The following CHL1 variants were observed in gnomAD, a reference collection of about 807,000 sequenced individuals.
CHL1 encodes neural cell adhesion molecule L1-like protein.
Under a neutral mutation model 141.9 loss-of-function variants are expected in CHL1, and 96 were observed. The ratio of observed to expected loss-of-function variants is 0.68; its 90% CI spans 0.57 to 0.80. CHL1 has a LOEUF of 0.80. CHL1 is among the 30% of genes least tolerant of loss of function. The pLI, the probability that CHL1 is intolerant of heterozygous loss-of-function variation, is 0.00. For missense variants in CHL1, 1,820 were observed against 1,457.2 expected (o/e 1.25, Z -4.05); for synonymous variants, 613 against 502.2 (o/e 1.22, Z -2.95).
intron 1 of CHL1, among the ~76,000 whole-genome samples, chr3:207,817 T>G (rs1699569798): frequency 6.6e-6 from 1 of 152,200 alleles, no homozygotes; most frequent in Non-Finnish European, 1.5e-5. Flanking sequence ...GCTCTTCCCA[T>G]GCATACAAGT....
intron 15 of CHL1, among the ~76,000 whole-genome samples, chr3:376,749 G>T (rs959884052): frequency 6.6e-5 from 10 of 152,098 alleles, no homozygotes; most frequent in Non-Finnish European, 1.5e-5. Context: ...GTATCAAATG[G>T]ACACCTGAGT....
Position 342,089 on chromosome 3 carries a change from C to A in CHL1, c.679+7C>A. The A allele has an allele frequency of 6.3e-7, 1 of 1,598,334 alleles. No individual in the cohort carries two copies. The highest frequency in any genetic ancestry group is 1.1e-5 in the South Asian group (1 of 90,034). On this transcript the variant is annotated splice_region_variant and intron_variant, in intron 7 of 27. Transcript: ENST00000256509. ...AAACTAACAGTTAACAGTTGTAAGT[C>A]CACATAATTTATCGTTTCATCATGT...
intron 1 of CHL1, among the ~76,000 whole-genome samples, chr3:234,883 A>G (rs950211651): frequency 6.6e-6 from 1 of 152,238 alleles, no homozygotes; most frequent in Non-Finnish European, 1.5e-5. Flanking sequence ...GAAATGCTTC[A>G]TAATAGTGAT....
Position 310,555 on chromosome 3 carries a change from A to C in CHL1, c.-94-9128A>C, listed in dbSNP as rs1326175472. On this transcript the variant is annotated intron_variant, in intron 2 of 27. Transcript: ENST00000256509. ...ATATTATTATTGCTTCCTCTCACATATTGCAGTTTTTCTTTCCAGGAAGAT... is the reference window on the plus strand; with the variant it reads ...ATATTATTATTGCTTCCTCTCACATCTTGCAGTTTTTCTTTCCAGGAAGAT... Among the ~76,000 whole-genome samples the C allele has an allele frequency of 2.6e-5, 4 of 152,112 alleles. No individual in the cohort carries two copies. In the East Asian group the frequency reaches 7.7e-4, roughly 29 times the overall value.
intron 23 of CHL1, among the ~76,000 whole-genome samples, chr3:392,427 A>G (rs918126874): frequency 1.3e-5 from 2 of 152,244 alleles, no homozygotes; most frequent in East Asian, 1.9e-4. Context: ...ATGACTCAGA[A>G]TGGGCTCTGC....
At chr3:394,466 A>C (rs1409173936) in intron 23 of CHL1, among the ~76,000 whole-genome samples, 1 of 152,200 alleles carries the variant, frequency 6.6e-6, no homozygotes, top group Non-Finnish European at 1.5e-5. Flanking sequence ...CTGCAAATTT[A>C]GAGACCCAAG....
Position 214,419 on chromosome 3 carries a change from G to C in CHL1, c.-175+17356G>C, listed in dbSNP as rs530692217. Among the ~76,000 whole-genome samples the C allele has an allele frequency of 6.6e-5, 10 of 152,200 alleles. No homozygotes were observed. In the South Asian group the frequency reaches 2.1e-3, roughly 32 times the overall value. ...TGAAATATCAGATCTTTTAACTCTT[G>C]TATTCATGTAACCTTCCTACATTTT... On this transcript the variant is annotated intron_variant, in intron 1 of 27. Coordinates refer to ENST00000256509, the MANE Select transcript of CHL1 (RefSeq NM_006614.4).
intron 2 of CHL1, among the ~76,000 whole-genome samples, chr3:305,071 A>G (rs1699108376): frequency 6.6e-6 from 1 of 152,160 alleles, no homozygotes. Context: ...AAACCATAAC[A>G]TTTAGGAAAA....
chr3:234,570 T>G (rs1691757579), intron 1 of CHL1, among the ~76,000 whole-genome samples: 1 of 152,092 alleles, frequency 6.6e-6, no homozygotes, highest in Admixed American at 6.6e-5. Flanking sequence ...GTTTAGCTCT[T>G]GGTTTGCTTT....
chr3:335,984 T>G (rs1318601727), intron 5 of CHL1, among the ~76,000 whole-genome samples: 1 of 152,246 alleles, frequency 6.6e-6, no homozygotes, highest in East Asian at 1.9e-4. Context: ...TCGATTCATG[T>G]GAAATATTTA....
At chr3:267,609 T>G (rs1288677712) in intron 2 of CHL1, among the ~76,000 whole-genome samples, 1 of 152,184 alleles carries the variant, frequency 6.6e-6, no homozygotes, top group South Asian at 2.1e-4. Context: ...AAAATTGCCT[T>G]ATACATTATA....
chr3:341,968 T>C lies in CHL1; in HGVS notation c.565T>C (p.Tyr189His), dbSNP rs753597949. 6 of 1,613,398 alleles carry C rather than the reference T, an allele frequency of 3.7e-6. No individual in the cohort carries two copies. In the East Asian group the frequency reaches 1.3e-4, roughly 36 times the overall value. The change falls in exon 7 of 28, where the codon TAC (tyrosine) becomes CAC (histidine). Residue 189 changes from tyrosine to histidine, a missense_variant. By Grantham distance (83) the Tyr-to-His change is moderately conservative (BLOSUM62 2). Coordinates refer to ENST00000256509, the MANE Select transcript of CHL1 (RefSeq NM_006614.4). The stretch of plus-strand genomic sequence containing the variant: ...ATACATGAGCCAAAAGGGAGATCTA[T>C]ACTTCGCAAACGTGGAAGAAAAGGA... ...RVYMSQKGDL[Y>H]FANVEEKDSR...
At chr3:399,386 A>C (rs1010808372) in intron 26 of CHL1, among the ~76,000 whole-genome samples, 24 of 152,340 alleles carry the variant, frequency 1.6e-4, no homozygotes, top group Non-Finnish European at 2.2e-4. Context: ...TCACGCCTGT[A>C]ATTCCAGCAG....
At chr3:402,250 C>T (rs892774042) in intron 27 of CHL1, among the ~76,000 whole-genome samples, 9 of 152,138 alleles carry the variant, frequency 5.9e-5, no homozygotes, top group African/African-American at 7.2e-5. Flanking sequence ...TAAGCTAAGC[C>T]TTAAAGGATA....
At chr3:360,692 A>G (rs1704151712) in intron 12 of CHL1, among the ~76,000 whole-genome samples, 1 of 147,860 alleles carries the variant, frequency 6.8e-6, no homozygotes, top group Non-Finnish European at 1.5e-5. Flanking sequence ...TGCACCCACT[A>G]ACTCGTCATC....
At chr3:326,777 A>T (rs6765752) in intron 4 of CHL1, among the ~76,000 whole-genome samples, 20,891 of 151,780 alleles carry the variant, frequency 0.14, 1,704 homozygotes, top group African/African-American at 0.21. Flanking sequence ...ACATACTTTT[A>T]TTATTCTGCA....
At chr3:242,592 T>A (rs1477854490) in intron 1 of CHL1, among the ~76,000 whole-genome samples, 1 of 127,510 alleles carries the variant, frequency 7.8e-6, no homozygotes, top group African/African-American at 2.7e-5. Flanking sequence ...TGGGACTCCA[T>A]CTCAAAATAA....
In CHL1 at chr3:406,090, A is replaced by C. The variant is rs879883034; in HGVS notation, c.*379A>C. ...TTTTTCTCCGTATGCACATTGGTAT[A>C]CAGTCTCTGAGAACTGGCTTGGTGA... On this transcript the variant is annotated 3_prime_UTR_variant, in exon 28 of 28. Transcript: ENST00000256509. 5.5e-6 allele frequency: 1 copy of C among 181,856 alleles called. No individual in the cohort carries two copies. The highest frequency in any genetic ancestry group is 2.4e-5 in the African/African-American group (1 of 41,956). The allele number at this position is 181,856 out of a possible 1,614,324, so 11.3% of individuals were successfully genotyped here.
chr3:339,194 G>T (rs1276682522), intron 5 of CHL1, among the ~76,000 whole-genome samples: 2 of 152,086 alleles, frequency 1.3e-5, no homozygotes, highest in African/African-American at 4.8e-5. Flanking sequence ...CTAAATAAGT[G>T]GTTCAATTTG....
Sources: allele counts gnomAD v4.1 joint callset (sites outside exome capture counted in the v4.1 genomes callset), GRCh38; gene constraint gnomAD v4.1.1; transcripts MANE v1.5; gene names NCBI Gene and HGNC (gene_info 2026-07-23, HGNC 2026-07-21).